The following LYPD5 variants were observed in gnomAD, a reference collection of about 807,000 sequenced individuals.
LYPD5 encodes ly6/PLAUR domain-containing protein 5.
LYPD5 carries 21 observed loss-of-function variants against 19.1 expected under a neutral mutation model. The ratio of observed to expected loss-of-function variants is 1.10; its 90% CI spans 0.78 to 1.58. The LOEUF is 1.58. Ranked by LOEUF, LYPD5 falls within the 40% of genes most tolerant of loss-of-function variation. LYPD5 has a pLI of 0.00. For missense variants in LYPD5, 287 were observed against 329.8 expected (o/e 0.87, Z 1.00); for synonymous variants, 128 against 142.7 (o/e 0.90, Z 0.74).
In LYPD5 at chr19:43,815,688, T is replaced by C. The variant is rs745776132; in HGVS notation, c.-66+4852A>G. The C allele has an allele frequency of 3.1e-4, 86 of 280,318 alleles. 1 individual carries two copies. The highest frequency in any genetic ancestry group is 5.3e-4 in the Non-Finnish European group (77 of 144,544). The allele number at this position is 280,318 out of a possible 1,614,324, so 17.4% of individuals were successfully genotyped here. On this transcript the variant is annotated intron_variant, in intron 1 of 4. Coordinates refer to the LYPD5 transcript ENST00000414615. ...TTATATATGTATCATATAAATCATA[T>C]ATGTTATATATAAACACACATCTAT...
rs2146503397 is a variant in LYPD5 at position 43,809,844 on chromosome 19, A to T, written c.-65-10010T>A. ...ACAAAATGTTCTGCATATCAGGTGG[A>T]AGAGCAGCTCATTGTTTAGAAGCAC... On this transcript the variant is annotated intron_variant, in intron 1 of 4. Coordinates refer to the LYPD5 transcript ENST00000414615. 3.9e-5 allele frequency among the ~76,000 whole-genome samples: 6 copies of T among 152,382 alleles called. 1 individual carries two copies. Among genetic ancestry groups the T allele is most frequent in the Admixed American group, 3.9e-4 (6 of 15,300 alleles).
chr19:43,815,949 G>A (rs12609796), intron 1 of LYPD5, among the ~76,000 whole-genome samples: 14,980 of 152,006 alleles, frequency 0.099, 809 homozygotes, highest in East Asian at 0.2. Flanking sequence ...GGCCAGGCTG[G>A]TCTCGAACTC....
upstream of LYPD5, among the ~76,000 whole-genome samples, chr19:43,804,830 C>T (rs1240025620): frequency 6.6e-6 from 1 of 152,124 alleles, no homozygotes; most frequent in East Asian, 1.9e-4. Context: ...TTTCTGAAGC[C>T]CCCGTGGAAG....
intron 1 of LYPD5, among the ~76,000 whole-genome samples, chr19:43,815,289 G>C (rs1970361609): frequency 1.3e-5 from 2 of 151,982 alleles, no homozygotes; most frequent in African/African-American, 2.4e-5. Context: ...GGGATTGTTT[G>C]AGGCCAGGAG....
chr19:43,802,387 G>T lies in LYPD5; in HGVS notation c.-7C>A, dbSNP rs1048462332. 2.1e-5 allele frequency: 33 copies of T among 1,551,376 alleles called. No homozygotes were observed. The Admixed American group carries it at 4.3e-4, about 20-fold the overall frequency. On this transcript the variant is annotated 5_prime_UTR_variant, in exon 1 of 5. Coordinates refer to ENST00000377950, the MANE Select transcript of LYPD5 (RefSeq NM_001031749.3). ...TGGGGACCCCCATTGCCATTGCTGA[G>T]CTGGGCCACCTGGGACAGCTCCTCC... is the stretch of plus-strand genomic sequence containing the variant.
chr19:43,804,565 G>A (rs192364957), upstream of LYPD5, among the ~76,000 whole-genome samples: 23 of 152,260 alleles, frequency 1.5e-4, no homozygotes, highest in African/African-American at 4.3e-4. Flanking sequence ...AGTCTGCCTT[G>A]CCTGTGCAAT....
intron 3 of LYPD5, 26 bp from the exon 4 acceptor site, chr19:43,798,627 T>C (rs771594079): frequency 6.2e-7 from 1 of 1,609,386 alleles, no homozygotes; most frequent in Admixed American, 1.7e-5. Flanking sequence ...AGATGCACAC[T>C]CAGGCAGTGG....
In LYPD5 at chr19:43,799,757, T is replaced by C. The variant is rs1970198042; in HGVS notation, c.142A>G (p.Ser48Gly). 1 of 1,613,890 alleles carries C rather than the reference T, an allele frequency of 6.2e-7. No homozygotes were observed. The highest frequency in any genetic ancestry group is 8.5e-7 in the Non-Finnish European group (1 of 1,179,964). ...PFDLRAMKLP[S>G]ISCPHECFEA... ...AAGCACTCATGAGGACAGGAGATGCTGGGCAGCTTCATGGCCCTGAGGTCA... is the reference window on the plus strand; with the variant it reads ...AAGCACTCATGAGGACAGGAGATGCCGGGCAGCTTCATGGCCCTGAGGTCA... The change falls in exon 2 of 5, where the codon AGC becomes GGC. Residue 48 changes from serine to glycine, a missense_variant. Transcript: ENST00000377950.
At position 43,801,871 on chromosome 19, in the gene LYPD5, C is replaced by G. The variant is rs143021836; in HGVS notation, c.64+446G>C. Reference sequence around the variant, plus strand: ...CTTCCATTCTGAAATGAGTTATGTTCCTGTCCTAGCCCACAATGGGGTAGA... The same window carrying G: ...CTTCCATTCTGAAATGAGTTATGTTGCTGTCCTAGCCCACAATGGGGTAGA... On this transcript the variant is annotated intron_variant, in intron 1 of 4. Transcript: ENST00000377950. 2.2e-3 allele frequency among the ~76,000 whole-genome samples: 335 copies of G among 152,306 alleles called. 1 individual carries two copies. The highest frequency in any genetic ancestry group is 7.8e-3 in the African/African-American group (325 of 41,550).
At chr19:43,799,866 G>T in intron 1 of LYPD5, 32 bp from the exon 2 acceptor site, 1 of 1,579,192 alleles carries the variant, frequency 6.3e-7, no homozygotes, top group Non-Finnish European at 8.6e-7. Context: ...AGTCAGCAGG[G>T]CCAGTGTGAG....
chr19:43,797,913 T>C, intron 4 of LYPD5, 84 bp from the exon 5 acceptor site: 1 of 1,075,988 alleles, frequency 9.3e-7, no homozygotes, highest in Non-Finnish European at 1.4e-6. Context: ...GCTAGGGCCA[T>C]GCCTCGGTCC....
At chr19:43,810,614 CCTTT>C (rs1427088887) in intron 1 of LYPD5, among the ~76,000 whole-genome samples, 2 of 132,274 alleles carry the variant, frequency 1.5e-5, no homozygotes, top group South Asian at 2.7e-4. Context: ...CCCTTCCCTT[CCTTT>C]CTTTCCGTTT....
chr19:43,798,696 C>CG (rs1970172757), intron 3 of LYPD5, 95 bp from the exon 4 acceptor site: 3 of 1,583,290 alleles, frequency 1.9e-6, no homozygotes, highest in Non-Finnish European at 2.6e-6. Flanking sequence ...TAGCACGTCT[C>CG]GGGGGTTGGG....
At chr19:43,820,564 T>G (rs1243526605) in exon 1 of LYPD5, 2 of 151,772 alleles carry the variant, frequency 1.3e-5, no homozygotes, top group Non-Finnish European at 2.9e-5. Context: ...GGGGCATGAG[T>G]CCGCAACGCC....
At chr19:43,801,047 A>AC in intron 1 of LYPD5, among the ~76,000 whole-genome samples, 1 of 151,754 alleles carries the variant, frequency 6.6e-6, no homozygotes, top group Non-Finnish European at 1.5e-5. Context: ...GAAAAAAAAA[A>AC]AAAAACACAT....
At chr19:43,815,762 G>T in intron 1 of LYPD5, 1 of 414,924 alleles carries the variant, frequency 2.4e-6, no homozygotes, top group East Asian at 7.6e-5. Flanking sequence ...TTTTGAGACG[G>T]AGTTTCACTT....
At chr19:43,804,623 C>G (rs1225400452), upstream of LYPD5, among the ~76,000 whole-genome samples, 1 of 152,170 alleles carries the variant, frequency 6.6e-6, no homozygotes, top group East Asian at 1.9e-4. Context: ...CTATGTCCTC[C>G]CTTACTGTCA....
At chr19:43,812,390 A>T (rs891427638) in intron 1 of LYPD5, among the ~76,000 whole-genome samples, 3 of 143,188 alleles carry the variant, frequency 2.1e-5, no homozygotes, top group African/African-American at 7.7e-5. Flanking sequence ...TCTATCATCT[A>T]TCTATCCATC....
At chr19:43,817,213 G>A (rs550985818) in intron 1 of LYPD5, among the ~76,000 whole-genome samples, 2 of 152,262 alleles carry the variant, frequency 1.3e-5, no homozygotes, top group Admixed American at 1.3e-4. Context: ...CTAATGGTTG[G>A]TTGGTTATTG....
Sources: gnomAD v4.1 joint callset for allele counts (sites outside exome capture counted in the v4.1 genomes callset) on GRCh38, gnomAD v4.1.1 for gene constraint, MANE v1.5 for transcripts, NCBI Gene and HGNC (gene_info 2026-07-23, HGNC 2026-07-21) for gene names.